PACRG: variants seen among roughly 807,000 people sequenced by gnomAD.
PACRG encodes parkin coregulated gene protein.
A neutral mutation model predicts 29.7 loss-of-function variants in PACRG; 29 were observed. That is an observed-to-expected ratio of 0.98 (90% confidence interval 0.73 to 1.33). The LOEUF (loss-of-function observed/expected upper bound fraction) is 1.33, where lower values mean the gene tolerates loss of function less well. Ranked by LOEUF, PACRG falls within the 40% of genes most tolerant of loss-of-function variation. The pLI is 0.00. For missense variants in PACRG, 279 were observed against 316.2 expected, an observed-to-expected ratio of 0.88 and a Z score of 0.89; for synonymous variants, 116 against 118.7, an observed-to-expected ratio of 0.98 and a Z score of 0.15.
intron 2 of PACRG, among the ~76,000 whole-genome samples, chr6:162,829,013 G>A (rs1320032431): frequency 6.6e-6 from 1 of 152,188 alleles, no homozygotes; most frequent in East Asian, 1.9e-4. Flanking sequence ...TATTTTGTGA[G>A]TTTATGCAAA....
intron 3 of PACRG, among the ~76,000 whole-genome samples, chr6:163,076,199 G>T (rs1457294967): frequency 1.3e-5 from 2 of 152,166 alleles, no homozygotes; most frequent in Non-Finnish European, 2.9e-5. Flanking sequence ...TGTCTTCTCT[G>T]TGGTGGACAA....
chr6:163,133,083 A>G (rs1455667207), intron 4 of PACRG, among the ~76,000 whole-genome samples: 1 of 152,226 alleles, frequency 6.6e-6, no homozygotes, highest in Non-Finnish European at 1.5e-5. Context: ...TCAGGTTAAT[A>G]GGCCAGTATT....
chr6:163,245,125 A>G (rs945701135), intron 4 of PACRG: 3 of 427,710 alleles, frequency 7.0e-6, no homozygotes, highest in Admixed American at 2.7e-5. Flanking sequence ...ACATTTCATC[A>G]TTTGTAATTA....
chr6:163,258,714 G>A (rs551372255), intron 4 of PACRG, among the ~76,000 whole-genome samples: 6 of 148,204 alleles, frequency 4.0e-5, no homozygotes, highest in Admixed American at 6.8e-5. Flanking sequence ...CCGAGATGGC[G>A]CCACTGCACT....
At chr6:162,935,747 G>T (rs1053546071) in intron 2 of PACRG, among the ~76,000 whole-genome samples, 1 of 151,838 alleles carries the variant, frequency 6.6e-6, no homozygotes, top group Admixed American at 6.6e-5. Context: ...ATGTTTTCTT[G>T]TTTTTCATGT....
At chr6:163,028,073 A>G (rs1308957141) in intron 2 of PACRG, among the ~76,000 whole-genome samples, 1 of 152,174 alleles carries the variant, frequency 6.6e-6, no homozygotes, top group Admixed American at 6.5e-5. Flanking sequence ...CCACATGGTC[A>G]TGCATACTAA....
intron 4 of PACRG, among the ~76,000 whole-genome samples, chr6:163,096,975 A>G (rs1245543635): frequency 6.6e-6 from 1 of 152,168 alleles, no homozygotes; most frequent in Non-Finnish European, 1.5e-5. Context: ...CTAATTGCAA[A>G]TATTCCAACC....
In PACRG at chr6:163,217,133, C is replaced by G. The variant is rs1389728078; in HGVS notation, c.614-97694C>G. ...GTGAAAGACTCTGGGATGGGCAGAA[C>G]CAGGCTTGGCGATAGAGGCTTAGCC... On this transcript the variant is annotated intron_variant, in intron 4 of 4. Transcript: ENST00000366888. 2.6e-5 allele frequency among the ~76,000 whole-genome samples: 4 copies of G among 152,192 alleles called. No individual in the cohort carries two copies. The East Asian group carries it at 5.8e-4, about 22-fold the overall frequency.
intron 1 of PACRG, 133 bp downstream of exon 1, chr6:162,728,524 C>T (rs1027523245): frequency 9.1e-7 from 1 of 1,102,862 alleles, no homozygotes; most frequent in Non-Finnish European, 1.3e-6. Flanking sequence ...AGTTACTTGG[C>T]AAGTAGCAAA....
intron 4 of PACRG, among the ~76,000 whole-genome samples, chr6:163,114,559 A>C (rs1815876314): frequency 6.6e-6 from 1 of 152,194 alleles, no homozygotes; most frequent in African/African-American, 2.4e-5. Flanking sequence ...GAGTGTCATG[A>C]ATGAACCTGG....
intron 4 of PACRG, among the ~76,000 whole-genome samples, chr6:163,120,707 A>T (rs1311781449): frequency 6.6e-6 from 1 of 151,948 alleles, no homozygotes; most frequent in East Asian, 1.9e-4. Flanking sequence ...AATACTGTGG[A>T]CTTCTGTATA....
At chr6:163,235,093 G>A (rs1304200236) in intron 4 of PACRG, among the ~76,000 whole-genome samples, 2 of 152,188 alleles carry the variant, frequency 1.3e-5, no homozygotes, top group Non-Finnish European at 2.9e-5. Flanking sequence ...CCCTGAGGAG[G>A]TGGGAAGACA....
chr6:162,801,156 T>C (rs542935483), intron 1 of PACRG, among the ~76,000 whole-genome samples: 2 of 152,284 alleles, frequency 1.3e-5, no homozygotes, highest in East Asian at 3.9e-4. Context: ...TCTCGCTCTG[T>C]TGCCCAGGCT....
intron 2 of PACRG, among the ~76,000 whole-genome samples, chr6:162,915,726 C>T (rs76263193): frequency 0.021 from 3,147 of 152,124 alleles, 50 homozygotes; most frequent in South Asian, 0.047. Flanking sequence ...TTATGTATTA[C>T]AATATATATA....
chr6:163,111,029 G>A (rs776275439), intron 4 of PACRG, among the ~76,000 whole-genome samples: 18 of 152,110 alleles, frequency 1.2e-4, no homozygotes, highest in African/African-American at 4.3e-4. Context: ...TTCTCCTTCC[G>A]CTTCTTACAT....
At chr6:162,808,160 A>G (rs558129159) in intron 1 of PACRG, among the ~76,000 whole-genome samples, 4 of 152,202 alleles carry the variant, frequency 2.6e-5, no homozygotes, top group Non-Finnish European at 5.9e-5. Flanking sequence ...CAGATACTGA[A>G]TTACAGAACT....
At chr6:162,756,944 A>T (rs1006534287) in intron 1 of PACRG, among the ~76,000 whole-genome samples, 1 of 152,162 alleles carries the variant, frequency 6.6e-6, no homozygotes, top group African/African-American at 2.4e-5. Flanking sequence ...TACAACCTTT[A>T]TCATAGATTA....
At chr6:162,788,110 A>G (rs1258714087) in intron 1 of PACRG, among the ~76,000 whole-genome samples, 1 of 152,046 alleles carries the variant, frequency 6.6e-6, no homozygotes, top group Admixed American at 6.5e-5. Flanking sequence ...ATTTTCCACC[A>G]TTACGTATCA....
chr6:163,233,948 AT>A (rs1782139519), intron 4 of PACRG, among the ~76,000 whole-genome samples: 1 of 152,206 alleles, frequency 6.6e-6, no homozygotes, highest in Non-Finnish European at 1.5e-5. Context: ...ATAATAAGAC[AT>A]TTTGTCTTGG....
Sources: gnomAD v4.1 joint callset for allele counts (sites outside exome capture counted in the v4.1 genomes callset) on GRCh38, gnomAD v4.1.1 for gene constraint, MANE v1.5 for transcripts, NCBI Gene and HGNC (gene_info 2026-07-23, HGNC 2026-07-21) for gene names.